ZFYVE21: variants seen among roughly 807,000 people sequenced by gnomAD.
ZFYVE21 encodes the protein zinc finger FYVE domain-containing protein 21.
Under a neutral mutation model 29.5 loss-of-function variants are expected in ZFYVE21, and 21 were observed. That is an observed-to-expected ratio of 0.71 (90% CI 0.50 to 1.02). The LOEUF (loss-of-function observed/expected upper bound fraction) is 1.02, where lower values mean the gene tolerates loss of function less well. Ranked by LOEUF, ZFYVE21 falls within the 50% of genes least tolerant of loss-of-function variation. The probability of loss-of-function intolerance (pLI) is 0.00; values close to 1 mark genes in which losing one functional copy is unlikely to be tolerated. For missense variants in ZFYVE21, 326 were observed against 335.4 expected (o/e 0.97, Z 0.22); for synonymous variants, 151 against 133.8 (o/e 1.13, Z -0.89).
intron 5 of ZFYVE21, chr14:103,732,058 CCT>C (rs1360134931): frequency 1.3e-5 from 2 of 152,354 alleles, no homozygotes; most frequent in African/African-American, 4.8e-5. Context: ...GTGGCATTTC[CCT>C]GACACTGGGC....
At chr14:103,727,707 C>T in intron 2 of ZFYVE21, 39 bp from the exon 3 acceptor site, 2 of 1,594,844 alleles carry the variant, frequency 1.3e-6, no homozygotes, top group Non-Finnish European at 1.7e-6. Flanking sequence ...CGCTTGTTCC[C>T]TGCCCCTCCT....
At chr14:103,726,955 T>TTTTTGTTTTTG in intron 2 of ZFYVE21, 113 bp downstream of exon 2, 1 of 1,216,030 alleles carries the variant, frequency 8.2e-7, no homozygotes, top group South Asian at 1.3e-5. Flanking sequence ...CTCGTTTTTT[T>TTTTTGTTTTTG]TTTTTTTGAG....
At chr14:103,717,667 G>C (rs1318418972) in intron 1 of ZFYVE21, among the ~76,000 whole-genome samples, 1 of 152,244 alleles carries the variant, frequency 6.6e-6, no homozygotes, top group Non-Finnish European at 1.5e-5. Flanking sequence ...GGCACCCCTC[G>C]TGGAAGAGAA....
intron 5 of ZFYVE21, chr14:103,731,747 T>C (rs988286978): frequency 6.6e-6 from 1 of 152,104 alleles, no homozygotes; most frequent in Non-Finnish European, 1.5e-5. Flanking sequence ...CGGCCCTGAG[T>C]GCTGATGGGG....
intron 1 of ZFYVE21, among the ~76,000 whole-genome samples, chr14:103,718,130 G>A (rs1200275346): frequency 6.6e-6 from 1 of 152,224 alleles, no homozygotes; most frequent in Non-Finnish European, 1.5e-5. Flanking sequence ...GTTTATTTGA[G>A]GTGGTTTGGA....
intron 1 of ZFYVE21, among the ~76,000 whole-genome samples, chr14:103,721,320 G>A (rs116769786): frequency 2.7e-3 from 405 of 152,330 alleles, no homozygotes; most frequent in African/African-American, 9.3e-3. Flanking sequence ...AGTGTGTTCC[G>A]AAATTTCACT....
intron 1 of ZFYVE21, among the ~76,000 whole-genome samples, chr14:103,718,646 T>C (rs2151950349): frequency 6.6e-6 from 1 of 152,312 alleles, no homozygotes; most frequent in Non-Finnish European, 1.5e-5. Flanking sequence ...TATCCGACAC[T>C]GACGCAAGGC....
intron 1 of ZFYVE21, among the ~76,000 whole-genome samples, chr14:103,720,295 T>C (rs2083862015): frequency 6.6e-6 from 1 of 152,264 alleles, no homozygotes; most frequent in African/African-American, 2.4e-5. Flanking sequence ...CTTTTCTGTT[T>C]GTAGGAGTTA....
intron 5 of ZFYVE21, chr14:103,730,462 C>G (rs1287062780): frequency 1.3e-5 from 2 of 152,992 alleles, no homozygotes; most frequent in East Asian, 3.8e-4. Flanking sequence ...GCCTGAGGCT[C>G]AGATGAAGGC....
intron 1 of ZFYVE21, among the ~76,000 whole-genome samples, chr14:103,718,480 C>T (rs779489476): frequency 1.3e-4 from 20 of 151,870 alleles, no homozygotes; most frequent in African/African-American, 4.8e-4. Flanking sequence ...AGTTGAGAAT[C>T]GTTTCTCCAG....
intron 3 of ZFYVE21, among the ~76,000 whole-genome samples, chr14:103,728,384 C>T (rs972215347): frequency 2.6e-5 from 4 of 152,212 alleles, no homozygotes; most frequent in Non-Finnish European, 4.4e-5. Context: ...CGAGCAGCGC[C>T]TTCTCCCCAC....
chr14:103,732,694 C>T lies in ZFYVE21; in HGVS notation c.601C>T (p.Leu201=), dbSNP rs1173682069. ...PGTEGVTQLK[L]TVVEDVTVGR... is the part of the protein sequence containing the mutation. ...GACGGAGGGTGTGACCCAGCTGAAG[C>T]TGACAGTGGTGGAGGACGTGACTGT... is the stretch of plus-strand genomic sequence containing the variant. Residue 201 remains leucine (L), a synonymous_variant, in exon 6 of 7, where the codon CTG becomes TTG. Coordinates refer to ENST00000311141, the MANE Select transcript of ZFYVE21 (RefSeq NM_024071.4). The T allele has an allele frequency of 3.7e-6, 6 of 1,613,316 alleles. No individual in the cohort carries two copies. The highest frequency in any genetic ancestry group is 5.1e-6 in the Non-Finnish European group (6 of 1,179,734).
rs2084003839 is a variant in ZFYVE21, at chr14:103,733,247, C to T, written c.*229C>T. 1.8e-6 allele frequency: 1 copy of T among 561,106 alleles called. No individual in the cohort carries two copies. The highest frequency in any genetic ancestry group is 3.2e-5 in the Admixed American group (1 of 31,112). 34.8% of individuals were successfully genotyped at this position (561,106 alleles called of 1,614,324 possible). ...TTTTAGAATTTGTGTATTGTCAATACTTAATTGGGGGTGGGAGAGACTGAG... is the reference window on the plus strand; with the variant it reads ...TTTTAGAATTTGTGTATTGTCAATATTTAATTGGGGGTGGGAGAGACTGAG... On this transcript the variant is annotated 3_prime_UTR_variant, in exon 7 of 7. Transcript: ENST00000311141.
intron 3 of ZFYVE21, 123 bp from the exon 4 acceptor site, chr14:103,728,785 G>A (rs879550578): frequency 4.0e-5 from 37 of 928,596 alleles, no homozygotes; most frequent in Non-Finnish European, 4.0e-5. Flanking sequence ...GAACAAAGCT[G>A]TGGTTTGTTT....
chr14:103,727,245 C>T (rs1009663389), intron 2 of ZFYVE21: 4 of 352,700 alleles, frequency 1.1e-5, no homozygotes, highest in Admixed American at 4.2e-5. Flanking sequence ...CACACCCAGC[C>T]GTTATGGCTC....
At chr14:103,724,208 T>C (rs2083899368) in intron 1 of ZFYVE21, among the ~76,000 whole-genome samples, 1 of 152,208 alleles carries the variant, frequency 6.6e-6, no homozygotes, top group Admixed American at 6.5e-5. Context: ...CCCAGGGGCC[T>C]GTGTTCCAGA....
intron 3 of ZFYVE21, 148 bp downstream of exon 3, chr14:103,728,062 T>C (rs1405631134): frequency 4.6e-6 from 4 of 872,322 alleles, no homozygotes; most frequent in Admixed American, 6.0e-5. Flanking sequence ...TGGATTCGTT[T>C]AGAAGCGGTT....
chr14:103,715,877 G>GAAGCTGA lies in ZFYVE21; in HGVS notation c.42_43insAAAGCTG (p.Val15LysfsTer42), dbSNP rs2083798596. 6.3e-6 allele frequency: 9 copies of GAAGCTGA among 1,433,704 alleles called. No homozygotes were observed. The highest frequency in any genetic ancestry group is 8.3e-6 in the Non-Finnish European group (9 of 1,088,374). The allele number at this position is 1,433,704 out of a possible 1,614,324, so 88.8% of individuals were successfully genotyped here. A position where few individuals can be genotyped will look rare whatever the true frequency, so the allele number is the denominator to read the frequency against. ...AGGTGTCCGCGCGCCGCGACGCCAA[G>GAAGCTGA]AAGCTGGTGCGCTCCCCGAGCGGCC... On this transcript the variant is annotated frameshift_variant, in exon 1 of 7. Transcript: ENST00000311141. LOFTEE classifies it high-confidence loss of function.
chr14:103,722,450 G>C (rs1049689757), intron 1 of ZFYVE21, among the ~76,000 whole-genome samples: 1 of 150,638 alleles, frequency 6.6e-6, no homozygotes, highest in African/African-American at 2.4e-5. Flanking sequence ...GACCTCCTGG[G>C]CTCAAGCTGT....
Sources: allele counts gnomAD v4.1 joint callset (sites outside exome capture counted in the v4.1 genomes callset), GRCh38; gene constraint gnomAD v4.1.1; transcripts MANE v1.5; gene names NCBI Gene and HGNC (gene_info 2026-07-23, HGNC 2026-07-21).